Variants in GNB4 observed in about 807,000 individuals in gnomAD.
The protein encoded by GNB4 is G protein subunit beta 4, also known as guanine nucleotide-binding protein subunit beta-4.
Under a neutral mutation model 45.2 loss-of-function variants are expected in GNB4, and 28 were observed. The observed-to-expected ratio is 0.62, with a 90% confidence interval of 0.46 to 0.85. The LOEUF is 0.85. Ranked by LOEUF, GNB4 falls within the 40% of genes least tolerant of loss-of-function variation. The pLI, the probability that GNB4 is intolerant of heterozygous loss-of-function variation, is 0.00. For synonymous variants in GNB4, 132 were observed against 143.7 expected (o/e 0.92, Z 0.58); for missense variants, 321 against 425.4 (o/e 0.75, Z 2.16).
the GNB4 span, among the ~76,000 whole-genome samples, chr3:179,497,251 G>A: frequency 6.6e-6 from 1 of 152,140 alleles, no homozygotes; most frequent in South Asian, 2.1e-4. Flanking sequence ...ATATATAATG[G>A]AGAAAGGATA....
At chr3:179,434,233 G>C (rs1715384748) in intron 1 of GNB4, among the ~76,000 whole-genome samples, 1 of 152,108 alleles carries the variant, frequency 6.6e-6, no homozygotes, top group Admixed American at 6.5e-5. Flanking sequence ...CAGGAGAACT[G>C]ATCACTGTAG....
intron 1 of GNB4, chr3:179,450,925 C>G (rs975035753): frequency 6.6e-6 from 1 of 152,264 alleles, no homozygotes; most frequent in Non-Finnish European, 1.5e-5. Flanking sequence ...CACTCTCCAC[C>G]CAACAGCCCT....
chr3:179,465,932 G>T, the GNB4 span, among the ~76,000 whole-genome samples: 44 of 150,234 alleles, frequency 2.9e-4, no homozygotes, highest in Admixed American at 1.1e-3. Flanking sequence ...AGAGGGCTGG[G>T]ATTACAGGCA....
chr3:179,430,765 A>C (rs1333514673), intron 1 of GNB4, among the ~76,000 whole-genome samples: 1 of 151,792 alleles, frequency 6.6e-6, no homozygotes, highest in East Asian at 1.9e-4. Context: ...CCCCTCCACC[A>C]GTGATTTAAA....
At chr3:179,475,186 C>T in the GNB4 span, among the ~76,000 whole-genome samples, 4 of 151,964 alleles carry the variant, frequency 2.6e-5, no homozygotes. Context: ...GGCACAATCT[C>T]AGCTCGCTGC....
the GNB4 span, among the ~76,000 whole-genome samples, chr3:179,480,169 G>T: frequency 6.6e-6 from 1 of 152,368 alleles, no homozygotes; most frequent in Non-Finnish European, 1.5e-5. Flanking sequence ...CTCGCCAGAT[G>T]ACAGTGCCAT....
intron 2 of GNB4, among the ~76,000 whole-genome samples, chr3:179,423,416 A>C (rs1715051565): frequency 1.3e-5 from 2 of 152,238 alleles, no homozygotes; most frequent in Non-Finnish European, 2.9e-5. Flanking sequence ...TATTTCACTT[A>C]ATCCTCTGCA....
chr3:179,417,548 C>G (rs1489301874), intron 4 of GNB4, among the ~76,000 whole-genome samples: 1 of 152,006 alleles, frequency 6.6e-6, no homozygotes, highest in Non-Finnish European at 1.5e-5. Flanking sequence ...GCTGGCATAA[C>G]AGGTGTGCAC....
chr3:179,422,132 A>G (rs1342417495), intron 2 of GNB4, among the ~76,000 whole-genome samples: 1 of 152,234 alleles, frequency 6.6e-6, no homozygotes, highest in African/African-American at 2.4e-5. Flanking sequence ...TTGAGCTTAC[A>G]TTAATATTAG....
At chr3:179,514,719 C>T in the GNB4 span, among the ~76,000 whole-genome samples, 2 of 152,124 alleles carry the variant, frequency 1.3e-5, no homozygotes, top group Non-Finnish European at 2.9e-5. Flanking sequence ...AGGTGGCCAC[C>T]TGCAAGCCAA....
chr3:179,456,679 C>T, the GNB4 span, among the ~76,000 whole-genome samples: 1 of 152,094 alleles, frequency 6.6e-6, no homozygotes, highest in Non-Finnish European at 1.5e-5. Flanking sequence ...CCATCACTCC[C>T]CAAATCTCCC....
At chr3:179,472,501 A>G in the GNB4 span, among the ~76,000 whole-genome samples, 1 of 151,084 alleles carries the variant, frequency 6.6e-6, no homozygotes, top group African/African-American at 2.4e-5. Flanking sequence ...CCTCCTGAGC[A>G]CCTGGGACTA....
chr3:179,452,218 G>GTT (rs11291709), upstream of GNB4, among the ~76,000 whole-genome samples: 117 of 147,152 alleles, frequency 8.0e-4, no homozygotes, highest in Admixed American at 1.6e-3. Flanking sequence ...TCTCAATCGA[G>GTT]TTTTTTTTTT....
the GNB4 span, among the ~76,000 whole-genome samples, chr3:179,508,932 G>GTGTGTGTATATATATA: frequency 2.2e-3 from 225 of 102,100 alleles, 5 homozygotes; most frequent in African/African-American, 9.6e-3. Flanking sequence ...TTCAGCATGT[G>GTGTGTGTATATATATA]TATATATATA....
the GNB4 span, among the ~76,000 whole-genome samples, chr3:179,472,370 CTTTTTT>C: frequency 7.5e-6 from 1 of 134,142 alleles, no homozygotes; most frequent in Non-Finnish European, 1.6e-5. Flanking sequence ...TTCTTTCTTT[CTTTTTT>C]TTTTTTTTTT....
intron 1 of GNB4, among the ~76,000 whole-genome samples, chr3:179,430,921 A>AT (rs532599144): frequency 8.6e-4 from 130 of 152,016 alleles, no homozygotes; most frequent in South Asian, 1.7e-3. Context: ...CAAAGTATTA[A>AT]TTTTTTTTGC....
the GNB4 span, among the ~76,000 whole-genome samples, chr3:179,468,035 A>AAAAAAAAAAAAAATATATATATATATAT: frequency 2.0e-4 from 18 of 89,854 alleles, no homozygotes; most frequent in African/African-American, 6.8e-4. Flanking sequence ...TGTTGATAAA[A>AAAAAAAAAAAAAATATATATATATATAT]ATATATATAT....
chr3:179,468,035 A>ATATATATATATATATATATAT, the GNB4 span, among the ~76,000 whole-genome samples: 1 of 89,852 alleles, frequency 1.1e-5, no homozygotes, highest in Non-Finnish European at 2.4e-5. Context: ...TGTTGATAAA[A>ATATATATATATATATATATAT]ATATATATAT....
At chr3:179,497,904 C>T in the GNB4 span, among the ~76,000 whole-genome samples, 17 of 152,004 alleles carry the variant, frequency 1.1e-4, no homozygotes, top group Non-Finnish European at 1.6e-4. Flanking sequence ...CAAGTGTTGG[C>T]AAAGATGTGG....
Sources: allele counts gnomAD v4.1 joint callset (sites outside exome capture counted in the v4.1 genomes callset), GRCh38; gene constraint gnomAD v4.1.1; transcripts MANE v1.5; gene names NCBI Gene and HGNC (gene_info 2026-07-23, HGNC 2026-07-21).